Variants in PCDH8 observed in about 807,000 individuals in gnomAD.
The protein encoded by PCDH8 is protocadherin 8.
In PCDH8, 36 loss-of-function variants were observed where a neutral mutation model predicts 58.2. The observed-to-expected ratio is 0.62, with a 90% CI of 0.47 to 0.82. PCDH8 has a LOEUF of 0.82. Ranked by LOEUF, PCDH8 falls within the 40% of genes least tolerant of loss-of-function variation. The pLI, the probability that PCDH8 is intolerant of heterozygous loss-of-function variation, is 0.00. For missense variants in PCDH8, 1,493 were observed against 1,567.8 expected (o/e 0.95, Z 0.81); for synonymous variants, 775 against 728.9 (o/e 1.06, Z -1.02).
chr13:52,846,439 G>T lies in PCDH8; in HGVS notation c.1998C>A (p.Arg666=). 6.3e-7 allele frequency: 1 copy of T among 1,599,386 alleles called. No individual in the cohort carries two copies. The change falls in exon 1 of 3, where the codon CGC becomes CGA. Residue 666 remains arginine, a synonymous_variant. Transcript: ENST00000377942. ...QEPREAFAIG[R]RTGEILLTGD... ...CGGTGAGCAGTATCTCCCCCGTGCG[G>T]CGGCCGATGGCGAAGGCTTCGCGCG...
At position 52,847,801 on chromosome 13, in the gene PCDH8, G is replaced by T; in HGVS notation, c.636C>A (p.Ser212Arg). 1 of 1,483,652 alleles carries T rather than the reference G, an allele frequency of 6.7e-7. No homozygotes were observed. The highest frequency in any genetic ancestry group is 8.9e-7 in the Non-Finnish European group (1 of 1,125,120). 91.9% of individuals were successfully genotyped at this position (1,483,652 alleles called of 1,614,324 possible). A position where few individuals can be genotyped will look rare whatever the true frequency, so the allele number is the denominator to read the frequency against. ...CGCCGTCCTGGGCCACCAGCTCCAGGCTGTAGGCGGCCTGGCTCTCGCGGT... is the reference window on the plus strand; with the variant it reads ...CGCCGTCCTGGGCCACCAGCTCCAGTCTGTAGGCGGCCTGGCTCTCGCGGT... ...ELDRESQAAY[S>R]LELVAQDGGR... is the part of the protein sequence containing the mutation. Residue 212 changes from serine (S) to arginine (R), a missense_variant, in exon 1 of 3, where the codon AGC (serine) becomes AGA (arginine). Around this residue, in one of 3 missense-constraint regions of PCDH8, gnomAD observed 1,307 missense variants for 1,362.7 expected, o/e 0.96. Coordinates refer to ENST00000377942, the MANE Select transcript of PCDH8 (RefSeq NM_002590.4).
Position 52,845,647 on chromosome 13 carries a change from AG to A in PCDH8, c.2632-16del. 1 of 1,613,324 alleles carries A rather than the reference AG, an allele frequency of 6.2e-7. No homozygotes were observed. Among genetic ancestry groups the A allele is most frequent in the Non-Finnish European group, 8.5e-7 (1 of 1,179,758 alleles). Reference sequence around the variant, plus strand: ...GCACCGTAGGGCTGCAGCAGGGAATAGGGGAATGGGAGTGGGGGGAGGGTTG... The same window carrying A: ...GCACCGTAGGGCTGCAGCAGGGAATAGGGAATGGGAGTGGGGGGAGGGTTG... On this transcript the variant is annotated splice_polypyrimidine_tract_variant and intron_variant, in intron 1 of 2. Coordinates refer to ENST00000377942, the MANE Select transcript of PCDH8 (RefSeq NM_002590.4).
Position 52,846,312 on chromosome 13 carries a change from C to T in PCDH8, c.2125G>A (p.Val709Met), listed in dbSNP as rs763752841. The change falls in exon 1 of 3, where the codon GTG (valine) becomes ATG (methionine). Residue 709 changes from valine (V) to methionine (M), a missense_variant. This residue lies in a region of PCDH8 where 1,307 missense variants were observed against 1,362.7 expected (regional missense o/e 0.96). Transcript: ENST00000377942. Reference sequence around the variant, plus strand: ...CCACGCCCGCCCCCTGCTGTTACCACGAAGCTGACAGTTGCGGTGGTGGTG... The same window carrying T: ...CCACGCCCGCCCCCTGCTGTTACCATGAAGCTGACAGTTGCGGTGGTGGTG... ...PLTTTATVSF[V>M]VTAGGGRGPA... The T allele has an allele frequency of 2.1e-5, 33 of 1,571,792 alleles. No individual in the cohort carries two copies. The East Asian group carries it at 7.0e-4, about 33-fold the overall frequency.
rs1593423451 is a variant in PCDH8, at chr13:52,843,788, T to C, written c.*772A>G. On this transcript the variant is annotated 3_prime_UTR_variant, in exon 3 of 3. Transcript: ENST00000377942. ...TACATATGGAGATGCACATAATTTATGAAATCAACACACGTTTTTAATACT... is the reference window on the plus strand; with the variant it reads ...TACATATGGAGATGCACATAATTTACGAAATCAACACACGTTTTTAATACT... The C allele has an allele frequency of 6.6e-6, 1 of 152,246 alleles. No homozygotes were observed. The highest frequency in any genetic ancestry group is 1.9e-4 in the East Asian group (1 of 5,208). The allele number at this position is 152,246 out of a possible 1,614,324, so 9.4% of individuals were successfully genotyped here. A position where few individuals can be genotyped will look rare whatever the true frequency, so the allele number is the denominator to read the frequency against.
rs1333153693 is a variant in PCDH8 at position 52,842,992 on chromosome 13, G to C, written c.*1568C>G. Reference sequence around the variant, plus strand: ...TTTTGGCATTTTATCTAACCTTCTTGTGCCTCGGTTTCTTTAATTGCAAAA... The same window carrying C: ...TTTTGGCATTTTATCTAACCTTCTTCTGCCTCGGTTTCTTTAATTGCAAAA... On this transcript the variant is annotated 3_prime_UTR_variant, in exon 3 of 3. Transcript: ENST00000377942. 2 of 152,054 alleles carry C rather than the reference G, an allele frequency of 1.3e-5. No homozygotes were observed. The highest frequency in any genetic ancestry group is 4.8e-5 in the African/African-American group (2 of 41,382). 9.4% of individuals were successfully genotyped at this position (152,054 alleles called of 1,614,324 possible).
At position 52,846,511 on chromosome 13, in the gene PCDH8, G is replaced by A. The variant is rs764272754; in HGVS notation, c.1926C>T (p.Asp642=). 43 of 1,597,396 alleles carry A rather than the reference G, an allele frequency of 2.7e-5. 1 individual carries two copies. Among genetic ancestry groups the A allele is most frequent in the Middle Eastern group, 1.7e-4 (1 of 6,056 alleles). Reference sequence around the variant, plus strand: ...ACGCCAGCTCCCCGTTGGCTCCCTCGTCTGCATCCCGGGCCTGCACACGGG... The same window carrying A: ...ACGCCAGCTCCCCGTTGGCTCCCTCATCTGCATCCCGGGCCTGCACACGGG... ...VVARVQARDA[D]EGANGELAFE... The change falls in exon 1 of 3, where the codon GAC becomes GAT. Residue 642 remains aspartate (D), a synonymous_variant. Transcript: ENST00000377942.
In PCDH8 at chr13:52,848,517, G is replaced by T; in HGVS notation, c.-81C>A. 1 of 1,483,266 alleles carries T rather than the reference G, an allele frequency of 6.7e-7. No homozygotes were observed. The highest frequency in any genetic ancestry group is 8.9e-7 in the Non-Finnish European group (1 of 1,123,044). The allele number at this position is 1,483,266 out of a possible 1,614,324, so 91.9% of individuals were successfully genotyped here. ...GTCGGGCGTCAGTCTCAGGCTCTCG[G>T]AATCACGCTCTTTGCGAGCCCTGTG... is the stretch of plus-strand genomic sequence containing the variant. On this transcript the variant is annotated 5_prime_UTR_variant, in exon 1 of 3. Transcript: ENST00000377942.
At position 52,844,824 on chromosome 13, in the gene PCDH8, C is replaced by T. The variant is rs868183205; in HGVS notation, c.2949G>A (p.Gln983=). Residue 983 remains glutamine, a synonymous_variant, in exon 3 of 3, where the codon CAG becomes CAA. Coordinates refer to ENST00000377942, the MANE Select transcript of PCDH8 (RefSeq NM_002590.4). The part of the protein sequence containing the change: ...NAHPSPHPPA[Q]MSTFCKSTSL... The stretch of plus-strand genomic sequence containing the variant: ...ACGTGCTCTTACAGAAGGTTGACAT[C>T]TGGGCTGGTGGGTGAGGCGATGGAT... The T allele has an allele frequency of 6.2e-7, 1 of 1,612,486 alleles. No individual in the cohort carries two copies.
chr13:52,845,580 A>AT lies in PCDH8; in HGVS notation c.2683_2684insA (p.Val895AspfsTer25). ...GGTGTTGAAGGAGTGTCCTTTCCAC[A>AT]CCGCCACAGGGGGCGCCGGCTCCTT... On this transcript the variant is annotated frameshift_variant, in exon 2 of 3. Coordinates refer to ENST00000377942, the MANE Select transcript of PCDH8 (RefSeq NM_002590.4). LOFTEE classifies it high-confidence loss of function. The AT allele has an allele frequency of 6.2e-7, 1 of 1,614,022 alleles. No homozygotes were observed. Among genetic ancestry groups the AT allele is most frequent in the East Asian group, 2.2e-5 (1 of 44,878 alleles).
chr13:52,844,318 C>T lies in PCDH8; in HGVS notation c.*242G>A, dbSNP rs1450197111. ...TAAAAACACTAAGAAAATGGCAAGC[C>T]GCAATTGAAATCAAAGTCAATAGCA... On this transcript the variant is annotated 3_prime_UTR_variant, in exon 3 of 3. Coordinates refer to ENST00000377942, the MANE Select transcript of PCDH8 (RefSeq NM_002590.4). 1.9e-5 allele frequency: 6 copies of T among 320,654 alleles called. No homozygotes were observed. Among genetic ancestry groups the T allele is most frequent in the Non-Finnish European group, 3.4e-5 (6 of 175,646 alleles). The allele number at this position is 320,654 out of a possible 1,614,324, so 19.9% of individuals were successfully genotyped here.
Position 52,847,840 on chromosome 13 carries a change from C to T in PCDH8, c.597G>A (p.Leu199=), listed in dbSNP as rs1965768532. 6.7e-7 allele frequency: 1 copy of T among 1,500,642 alleles called. No homozygotes were observed. Among genetic ancestry groups the T allele is most frequent in the East Asian group, 2.5e-5 (1 of 40,184 alleles). The allele number at this position is 1,500,642 out of a possible 1,614,324, so 93.0% of individuals were successfully genotyped here. A position where few individuals can be genotyped will look rare whatever the true frequency, so the allele number is the denominator to read the frequency against. ...ADGAQCADLV[L]LQELDRESQA... ...GGCTCTCGCGGTCCAGCTCCTGCAG[C>T]AGCACCAGGTCTGCGCACTGAGCGC... Residue 199 remains leucine (L), a synonymous_variant, in exon 1 of 3, where the codon CTG becomes CTA. Coordinates refer to ENST00000377942, the MANE Select transcript of PCDH8 (RefSeq NM_002590.4).
intron 2 of PCDH8, 50 bp downstream of exon 2, chr13:52,845,375 G>T: frequency 6.5e-7 from 1 of 1,539,742 alleles, no homozygotes. Flanking sequence ...CAGTGGTGAA[G>T]GGGAGGGAAG....
At position 52,844,639 on chromosome 13, in the gene PCDH8, T is replaced by G; in HGVS notation, c.3134A>C (p.Gln1045Pro). ...PPRPGRLPDL[Q>P]EIGVPLYQSP... ...CTGGTAGAGGGGTACTCCAATCTCC[T>G]GCAGGTCTGGGAGCCTCCCTGGACG... The change falls in exon 3 of 3, where the codon CAG becomes CCG. Residue 1045 changes from glutamine to proline, a missense_variant. Coordinates refer to ENST00000377942, the MANE Select transcript of PCDH8 (RefSeq NM_002590.4). The G allele has an allele frequency of 6.2e-7, 1 of 1,613,800 alleles. No individual in the cohort carries two copies.
At position 52,846,730 on chromosome 13, in the gene PCDH8, A is replaced by G. The variant is rs779117255; in HGVS notation, c.1707T>C (p.Tyr569=). The change falls in exon 1 of 3, where the codon TAT becomes TAC. Residue 569 remains tyrosine, a synonymous_variant. Transcript: ENST00000377942. ...GAIYALRSFD[Y]ETLRQLDVRI... Reference sequence around the variant, plus strand: ...GAACGTCGAGTTGGCGCAGCGTCTCATAGTCGAAGCTGCGCAGCGCGTAGA... The same window carrying G: ...GAACGTCGAGTTGGCGCAGCGTCTCGTAGTCGAAGCTGCGCAGCGCGTAGA... The G allele has an allele frequency of 4.7e-5, 75 of 1,592,476 alleles. No homozygotes were observed. The highest frequency in any genetic ancestry group is 6.0e-5 in the Non-Finnish European group (70 of 1,175,164).
At chr13:52,845,249 TC>T (rs1965710368) in intron 2 of PCDH8, among the ~76,000 whole-genome samples, 175 bp downstream of exon 2, 3 of 152,282 alleles carry the variant, frequency 2.0e-5, no homozygotes, top group Admixed American at 6.5e-5. Context: ...TGGAGTTGCC[TC>T]GACTTGGCAT....
rs1013615220 is a variant in PCDH8, at chr13:52,848,533, G to A, written c.-97C>T. 20 of 1,459,270 alleles carry A rather than the reference G, an allele frequency of 1.4e-5. No homozygotes were observed. The African/African-American group carries it at 2.5e-4, about 19-fold the overall frequency. 90.4% of individuals were successfully genotyped at this position (1,459,270 alleles called of 1,614,324 possible). On this transcript the variant is annotated 5_prime_UTR_variant, in exon 1 of 3. Transcript: ENST00000377942. ...AGGCTCTCGGAATCACGCTCTTTGC[G>A]AGCCCTGTGCGGGAGAAGTCTGCGG...
rs751389739 is a variant in PCDH8, at chr13:52,846,972, C to T, written c.1465G>A (p.Asp489Asn). ...TVRPYTVRVG[D>N]ENDNAPLFTR... ...AAGAGCGGCGCGTTGTCGTTCTCGT[C>T]GCCCACACGCACCGTGTAGGGCCGC... The change falls in exon 1 of 3, where the codon GAC becomes AAC. Residue 489 changes from aspartate (D) to asparagine (N), a missense_variant. Transcript: ENST00000377942. 1 of 1,594,512 alleles carries T rather than the reference C, an allele frequency of 6.3e-7. No homozygotes were observed. Among genetic ancestry groups the T allele is most frequent in the South Asian group, 1.1e-5 (1 of 89,010 alleles).
In PCDH8 at chr13:52,845,554, T is replaced by C. The variant is rs1477976416; in HGVS notation, c.2710A>G (p.Ile904Val). 3 of 1,613,994 alleles carry C rather than the reference T, an allele frequency of 1.9e-6. No individual in the cohort carries two copies. Among genetic ancestry groups the C allele is most frequent in the African/African-American group, 1.3e-5 (1 of 74,910 alleles). ...AACTTCTCTGCTTCTCTGCCAGAAA[T>C]GGTGTTGAAGGAGTGTCCTTTCCAC... ...AVWKGHSFNTISGREAEKFSG... is the reference protein window; with the variant it reads ...AVWKGHSFNTVSGREAEKFSG... The change falls in exon 2 of 3, where the codon ATT (isoleucine) becomes GTT (valine). Residue 904 changes from isoleucine (I) to valine (V), a missense_variant. Physicochemically the swap from Ile to Val is conservative, Grantham distance 29. Transcript: ENST00000377942.
rs1965684730 is a variant in PCDH8 at position 52,842,994 on chromosome 13, G to C, written c.*1566C>G. 6.6e-6 allele frequency: 1 copy of C among 152,196 alleles called. No homozygotes were observed. The highest frequency in any genetic ancestry group is 6.5e-5 in the Admixed American group (1 of 15,290). 9.4% of individuals were successfully genotyped at this position (152,196 alleles called of 1,614,324 possible). On this transcript the variant is annotated 3_prime_UTR_variant, in exon 3 of 3. Transcript: ENST00000377942. ...TTGGCATTTTATCTAACCTTCTTGT[G>C]CCTCGGTTTCTTTAATTGCAAAATG...
Sources: allele counts gnomAD v4.1 joint callset (sites outside exome capture counted in the v4.1 genomes callset), GRCh38; gene constraint gnomAD v4.1.1; regional missense constraint gnomAD v4.1.1; transcripts MANE v1.5; gene names NCBI Gene and HGNC (gene_info 2026-07-23, HGNC 2026-07-21).